PRKN: variants seen among roughly 807,000 people sequenced by gnomAD.
PRKN encodes the protein parkin RBR E3 ubiquitin protein ligase, also known as E3 ubiquitin-protein ligase parkin.
PRKN carries 56 observed loss-of-function variants against 59.5 expected under a neutral mutation model. The ratio of observed to expected loss-of-function variants is 0.94; its 90% CI spans 0.76 to 1.18. The LOEUF is 1.18. Among genes scored for constraint, PRKN ranks in the 50% most tolerant of loss-of-function variants. The probability of loss-of-function intolerance (pLI) is 0.00; values close to 1 mark genes in which losing one functional copy is unlikely to be tolerated. For synonymous variants in PRKN, 250 were observed against 222.1 expected (o/e 1.13, Z -1.12); for missense variants, 657 against 596.4 (o/e 1.10, Z -1.06).
intron 2 of PRKN, among the ~76,000 whole-genome samples, chr6:162,290,329 C>T (rs1272677454): frequency 2.0e-5 from 3 of 152,144 alleles, no homozygotes; most frequent in South Asian, 2.1e-4. Context: ...CTTAAACAGA[C>T]GAGCAAGTCA....
chr6:162,708,709 C>A (rs1179258278), intron 1 of PRKN, among the ~76,000 whole-genome samples: 1 of 152,212 alleles, frequency 6.6e-6, no homozygotes, highest in Non-Finnish European at 1.5e-5. Context: ...CCATTCCAGG[C>A]ACCTTCAGAA....
intron 7 of PRKN, among the ~76,000 whole-genome samples, chr6:161,706,187 C>T (rs1786484674): frequency 1.3e-5 from 2 of 152,188 alleles, no homozygotes; most frequent in African/African-American, 4.8e-5. Flanking sequence ...CAACTGGATG[C>T]TGTCATGGCT....
chr6:162,695,118 G>C (rs1487194010), intron 1 of PRKN: 1 of 152,144 alleles, frequency 6.6e-6, no homozygotes, highest in African/African-American at 2.4e-5. Context: ...TGTTCTGCTT[G>C]AGGCAATAAG....
At chr6:161,512,963 G>A (rs1038064328) in intron 9 of PRKN, among the ~76,000 whole-genome samples, 3 of 152,082 alleles carry the variant, frequency 2.0e-5, no homozygotes, top group Admixed American at 6.5e-5. Context: ...AAGAACTTTG[G>A]GAGTCATACA....
At chr6:161,434,184 C>T (rs1788777914) in intron 9 of PRKN, among the ~76,000 whole-genome samples, 1 of 152,156 alleles carries the variant, frequency 6.6e-6, no homozygotes, top group African/African-American at 2.4e-5. Flanking sequence ...AAGACCACCA[C>T]TCCATACCAT....
chr6:162,054,233 A>G, intron 4 of PRKN, 59 bp from the exon 5 acceptor site: 1 of 995,608 alleles, frequency 1.0e-6, no homozygotes, highest in Non-Finnish European at 1.6e-6. Flanking sequence ...GTACTCCTTA[A>G]GACATGTTTC....
In PRKN at chr6:161,372,986, T is replaced by G. The variant is rs1785501333; in HGVS notation, c.1168-12781A>C. 6.6e-6 allele frequency among the ~76,000 whole-genome samples: 1 copy of G among 152,084 alleles called. No homozygotes were observed. The highest frequency in any genetic ancestry group is 2.4e-5 in the African/African-American group (1 of 41,404). On this transcript the variant is annotated intron_variant, in intron 10 of 11. Coordinates refer to ENST00000366898, the MANE Select transcript of PRKN (RefSeq NM_004562.3). This position sits in a 1 kb window ranked among gnomAD's most constrained non-coding sequence, Gnocchi z 4.2. Reference sequence around the variant, plus strand: ...GTCCTCTGCTGATCTTTAAAAAATATTTTTTGTAGAGATGGGGTCTCACTT... The same window carrying G: ...GTCCTCTGCTGATCTTTAAAAAATAGTTTTTGTAGAGATGGGGTCTCACTT...
chr6:162,313,633 G>A (rs536561388), intron 2 of PRKN, among the ~76,000 whole-genome samples: 21 of 152,040 alleles, frequency 1.4e-4, no homozygotes, highest in African/African-American at 2.9e-4. Context: ...GATTACAGGC[G>A]CGTACCATCA....
Position 161,352,770 on chromosome 6 carries a change from TA to T in PRKN, c.1286-2560del, listed in dbSNP as rs1784608511. ...GTGTGTGTGTGTATATATATATATA[TA>T]TTTTATTTTATTTTATTTTATTTTT... On this transcript the variant is annotated intron_variant, in intron 11 of 11. Transcript: ENST00000366898. This position sits in a 1 kb window ranked among gnomAD's most constrained non-coding sequence, Gnocchi z 5.8. Among the ~76,000 whole-genome samples the T allele has an allele frequency of 6.9e-6, 1 of 145,730 alleles. No homozygotes were observed. Among genetic ancestry groups the T allele is most frequent in the East Asian group, 2.0e-4 (1 of 5,050 alleles).
intron 11 of PRKN, among the ~76,000 whole-genome samples, chr6:161,351,501 T>A (rs892521473): frequency 3.9e-5 from 6 of 151,948 alleles, no homozygotes; most frequent in African/African-American, 1.5e-4. Flanking sequence ...ATTTTTGAAT[T>A]TTTCGTAGAG....
At chr6:162,041,216 G>C (rs1784059010) in intron 5 of PRKN, among the ~76,000 whole-genome samples, 2 of 152,066 alleles carry the variant, frequency 1.3e-5, no homozygotes, top group Non-Finnish European at 2.9e-5. Flanking sequence ...GAATACCATG[G>C]AATTGGAGCT....
chr6:162,107,319 GC>G (rs879614998), intron 4 of PRKN, among the ~76,000 whole-genome samples: 5 of 152,134 alleles, frequency 3.3e-5, no homozygotes, highest in African/African-American at 1.2e-4. Flanking sequence ...ACAAAAATTA[GC>G]CGGGCATGGC....
rs1055099691 is a variant in PRKN at position 161,349,352 on chromosome 6, T to C, written c.*747A>G. 4 of 230,496 alleles carry C rather than the reference T, an allele frequency of 1.7e-5. No homozygotes were observed. The highest frequency in any genetic ancestry group is 8.8e-5 in the African/African-American group (4 of 45,326). 14.3% of individuals were successfully genotyped at this position (230,496 alleles called of 1,614,324 possible). The stretch of plus-strand genomic sequence containing the variant: ...TAAAGTTGCAAATCATGAAAGGGAA[T>C]GAAAGTACATTAACTTGATTTCTTC... On this transcript the variant is annotated 3_prime_UTR_variant, in exon 12 of 12. Coordinates refer to ENST00000366898, the MANE Select transcript of PRKN (RefSeq NM_004562.3). The surrounding 1 kb of genome is among the most constrained non-coding windows in gnomAD (Gnocchi z 5.5).
chr6:162,261,947 G>A (rs1224758044), intron 3 of PRKN, among the ~76,000 whole-genome samples: 3 of 152,102 alleles, frequency 2.0e-5, no homozygotes, highest in African/African-American at 7.2e-5. Flanking sequence ...AGGATCTATT[G>A]TATGTGGGAG....
rs1406351328 is a variant in PRKN at position 161,992,813 on chromosome 6, CTG to C, written c.619-19398_619-19397del. On this transcript the variant is annotated intron_variant, in intron 5 of 11. Transcript: ENST00000366898. ...ATGATAGCAAGAGAAACTTTGGGAACTGTACAAATACACGGAAATTTAACAAC... is the reference window on the plus strand; with the variant it reads ...ATGATAGCAAGAGAAACTTTGGGAACTACAAATACACGGAAATTTAACAAC... Among the ~76,000 whole-genome samples the C allele has an allele frequency of 3.9e-5, 6 of 152,208 alleles. No homozygotes were observed. The East Asian group carries it at 1.2e-3, about 29-fold the overall frequency.
chr6:161,970,920 C>T (rs1267209565), intron 6 of PRKN, among the ~76,000 whole-genome samples: 2 of 152,136 alleles, frequency 1.3e-5, no homozygotes, highest in Non-Finnish European at 2.9e-5. Flanking sequence ...CCACAATGAT[C>T]ACCAAACTGC....
intron 5 of PRKN, among the ~76,000 whole-genome samples, chr6:161,991,617 G>C (rs1040030515): frequency 4.0e-5 from 6 of 151,712 alleles, no homozygotes; most frequent in Non-Finnish European, 8.8e-5. Context: ...CGAGGCGGGC[G>C]GGTCACCTGA....
At chr6:162,686,797 A>G (rs2128234118) in intron 1 of PRKN, among the ~76,000 whole-genome samples, 1 of 152,264 alleles carries the variant, frequency 6.6e-6, no homozygotes, top group Middle Eastern at 3.4e-3. Context: ...GTTTTTGTTA[A>G]CTTTTTCAAA....
intron 7 of PRKN, among the ~76,000 whole-genome samples, chr6:161,610,111 T>C (rs1782433243): frequency 6.6e-6 from 1 of 152,206 alleles, no homozygotes; most frequent in African/African-American, 2.4e-5. Flanking sequence ...TGCCAAGCAC[T>C]ATGCTAGGAA....
Sources: allele counts gnomAD v4.1 joint callset (sites outside exome capture counted in the v4.1 genomes callset), GRCh38; gene constraint gnomAD v4.1.1; non-coding constraint Gnocchi (gnomAD v3.1); transcripts MANE v1.5; gene names NCBI Gene and HGNC (gene_info 2026-07-23, HGNC 2026-07-21).